The following MFSD11 variants were observed in gnomAD, a reference collection of about 807,000 sequenced individuals.
The protein encoded by MFSD11 is major facilitator superfamily domain containing 11.
In MFSD11, 36 loss-of-function variants were observed where a neutral mutation model predicts 53.5. The observed-to-expected ratio is 0.67, with a 90% CI of 0.52 to 0.89. The LOEUF is 0.89. MFSD11 is among the 40% of genes least tolerant of loss of function. The pLI, the probability that MFSD11 is intolerant of heterozygous loss-of-function variation, is 0.00. For synonymous variants in MFSD11, 186 were observed against 184.9 expected, an observed-to-expected ratio of 1.01 and a Z score of -0.05; for missense variants, 530 against 543.9, an observed-to-expected ratio of 0.97 and a Z score of 0.25.
rs2080948638 is a variant in MFSD11 at position 76,767,404 on chromosome 17, G to A, written c.701G>A (p.Cys234Tyr). Reference protein sequence around the residue: ...VDAFKKSFKLCVTKEMLLLSI... With the variant: ...VDAFKKSFKLYVTKEMLLLSI... ...TTTACAGAAAAGTCTTTTAAGTTAT[G>A]TGTCACCAAGGAGATGCTCCTTCTT... The change falls in exon 9 of 13, where the codon TGT becomes TAT. Residue 234 changes from cysteine (C) to tyrosine (Y), a missense_variant. Transcript: ENST00000685175. The A allele has an allele frequency of 6.2e-7, 1 of 1,600,324 alleles. No homozygotes were observed. The highest frequency in any genetic ancestry group is 8.6e-7 in the Non-Finnish European group (1 of 1,168,724).
intron 6 of MFSD11, 68 bp downstream of exon 6, chr17:76,743,524 C>A: frequency 1.0e-6 from 1 of 967,388 alleles, no homozygotes; most frequent in South Asian, 2.1e-5. Flanking sequence ...TAGAAATACC[C>A]ATTATTGCTT....
chr17:76,791,772 G>T, the MFSD11 span, among the ~76,000 whole-genome samples: 1 of 148,668 alleles, frequency 6.7e-6, no homozygotes, highest in African/African-American at 2.5e-5. Context: ...AACCATTTTG[G>T]CCTGTCCCAT....
rs2081882776 is a variant in MFSD11, at chr17:76,776,892, TC to T, written c.1185+353del. ...GTCTCAAACTTCTGACCTCAGGTGA[TC>T]CACCTGCCTTGGCCTCCCAAAGTGC... On this transcript the variant is annotated intron_variant, in intron 12 of 12. Transcript: ENST00000685175. This position sits in a 1 kb window ranked among gnomAD's most constrained non-coding sequence, Gnocchi z 4.2. Among the ~76,000 whole-genome samples, 1 of 152,044 alleles carries T rather than the reference TC, an allele frequency of 6.6e-6. No homozygotes were observed. The highest frequency in any genetic ancestry group is 1.9e-4 in the East Asian group (1 of 5,164).
the MFSD11 span, among the ~76,000 whole-genome samples, chr17:76,794,619 G>A: frequency 7.7e-6 from 1 of 130,162 alleles, no homozygotes; most frequent in South Asian, 2.6e-4. Flanking sequence ...TTCAACCTTG[G>A]CGACAGAGCA....
At chr17:76,766,541 T>G (rs1008706636) in intron 8 of MFSD11, among the ~76,000 whole-genome samples, 2 of 152,204 alleles carry the variant, frequency 1.3e-5, no homozygotes, top group African/African-American at 4.8e-5. Context: ...TGTATTTTTT[T>G]GCTGGAAATA....
chr17:76,767,008 A>T lies in MFSD11; in HGVS notation c.683-378A>T, dbSNP rs546632979. ...TTGAGTCCACTCTTAAAGCTGCTCC[A>T]TGATAATTCTTTAGGGAAGTCAGTG... On this transcript the variant is annotated intron_variant, in intron 8 of 12. Transcript: ENST00000685175. The T allele has an allele frequency of 5.7e-5, 10 of 176,510 alleles. No individual in the cohort carries two copies. The South Asian group carries it at 1.2e-3, about 22-fold the overall frequency. The allele number at this position is 176,510 out of a possible 1,614,324, so 10.9% of individuals were successfully genotyped here.
downstream of MFSD11, among the ~76,000 whole-genome samples, chr17:76,780,386 T>A (rs1311977972): frequency 6.6e-6 from 1 of 151,982 alleles, no homozygotes; most frequent in Non-Finnish European, 1.5e-5. Context: ...CTCAGGCTGG[T>A]CTTGAACTCC....
At chr17:76,795,311 G>A in the MFSD11 span, among the ~76,000 whole-genome samples, 3 of 96,976 alleles carry the variant, frequency 3.1e-5, no homozygotes, top group Admixed American at 3.6e-4. Context: ...GCGAAAACCT[G>A]TTTCTACCAA....
chr17:76,797,499 AGTTCCCT>A, the MFSD11 span, among the ~76,000 whole-genome samples: 1 of 152,144 alleles, frequency 6.6e-6, no homozygotes, highest in African/African-American at 2.4e-5. Context: ...GGATGACTAA[AGTTCCCT>A]TTAGTCGCTG....
At chr17:76,764,541 A>G (rs553913938) in intron 8 of MFSD11, among the ~76,000 whole-genome samples, 21 of 152,316 alleles carry the variant, frequency 1.4e-4, no homozygotes, top group African/African-American at 5.1e-4. Context: ...ACTTAGCGTA[A>G]TGCTCTTCAG....
intron 3 of MFSD11, among the ~76,000 whole-genome samples, 167 bp downstream of exon 3, chr17:76,741,231 G>A (rs2078056501): frequency 6.6e-6 from 1 of 152,114 alleles, no homozygotes; most frequent in Non-Finnish European, 1.5e-5. Context: ...ATTCTAATGT[G>A]ATAGGATGTA....
At chr17:76,771,358 A>AT (rs2081362818) in intron 10 of MFSD11, among the ~76,000 whole-genome samples, 1 of 152,224 alleles carries the variant, frequency 6.6e-6, no homozygotes, top group African/African-American at 2.4e-5. Context: ...TATTTTTATT[A>AT]TGCTCCACGA....
At chr17:76,766,731 G>A (rs370276873) in intron 8 of MFSD11, among the ~76,000 whole-genome samples, 1 of 152,306 alleles carries the variant, frequency 6.6e-6, no homozygotes. Context: ...TGTTAGTTTT[G>A]TGTACTAGAG....
chr17:76,772,811 T>C (rs183407934), intron 10 of MFSD11, among the ~76,000 whole-genome samples: 19 of 152,308 alleles, frequency 1.2e-4, no homozygotes, highest in Middle Eastern at 6.8e-3. Flanking sequence ...CCACTGCACC[T>C]GGCCCTCCTG....
upstream of MFSD11, chr17:76,737,293 C>T (rs1349867707): frequency 2.4e-6 from 3 of 1,269,926 alleles, no homozygotes; most frequent in African/African-American, 1.5e-5. Context: ...CAGAACAGCA[C>T]GGACGGGCTC....
At position 76,742,291 on chromosome 17, in the gene MFSD11, G is replaced by A. The variant is rs773951576; in HGVS notation, c.437+18G>A. ...CAGTCTAGGTAATTATCCTTTTGAG[G>A]TTCAGTCTTTCCTTTTCTTTCTTTT... is the stretch of plus-strand genomic sequence containing the variant. On this transcript the variant is annotated intron_variant, in intron 5 of 12. Coordinates refer to ENST00000685175, the MANE Select transcript of MFSD11 (RefSeq NM_001242532.5). 6.3e-7 allele frequency: 1 copy of A among 1,593,858 alleles called. No homozygotes were observed. The highest frequency in any genetic ancestry group is 1.1e-5 in the South Asian group (1 of 89,512).
chr17:76,793,666 A>G, the MFSD11 span, among the ~76,000 whole-genome samples: 1 of 151,570 alleles, frequency 6.6e-6, no homozygotes, highest in African/African-American at 2.4e-5. Flanking sequence ...TGGGGAAGTG[A>G]TAAGTGTCCA....
intron 8 of MFSD11, among the ~76,000 whole-genome samples, chr17:76,754,805 C>T (rs2079409950): frequency 6.6e-6 from 1 of 152,014 alleles, no homozygotes; most frequent in Non-Finnish European, 1.5e-5. Flanking sequence ...TGGCCAAAGA[C>T]TCTGCTGAAT....
chr17:76,766,509 G>T (rs1421143745), intron 8 of MFSD11, among the ~76,000 whole-genome samples: 2 of 151,268 alleles, frequency 1.3e-5, no homozygotes, highest in African/African-American at 4.9e-5. Flanking sequence ...TAAAAGTATT[G>T]TTTTAAACTT....
Sources: gnomAD v4.1 joint callset for allele counts (sites outside exome capture counted in the v4.1 genomes callset) on GRCh38, gnomAD v4.1.1 for gene constraint, Gnocchi (gnomAD v3.1) non-coding constraint, MANE v1.5 for transcripts, NCBI Gene and HGNC (gene_info 2026-07-23, HGNC 2026-07-21) for gene names.